The following TRHDE variants were observed in gnomAD, a reference collection of about 807,000 sequenced individuals.
TRHDE encodes the protein thyrotropin-releasing hormone-degrading ectoenzyme.
A neutral mutation model predicts 125.7 loss-of-function variants in TRHDE; 72 were observed. The ratio of observed to expected loss-of-function variants is 0.57; its 90% confidence interval spans 0.47 to 0.70. The LOEUF is 0.70. Ranked by LOEUF, TRHDE falls within the 30% of genes least tolerant of loss-of-function variation. The pLI, the probability that TRHDE is intolerant of heterozygous loss-of-function variation, is 0.00. For missense variants in TRHDE, 1,110 were observed against 1,327.1 expected (o/e 0.84, Z 2.54); for synonymous variants, 509 against 509.1 (o/e 1.00, Z 0.00).
At chr12:72,464,291 C>A (rs1876265036) in intron 3 of TRHDE, among the ~76,000 whole-genome samples, 1 of 152,088 alleles carries the variant, frequency 6.6e-6, no homozygotes, top group African/African-American at 2.4e-5. Context: ...CTGCTATAAC[C>A]AAATACCTGA....
At chr12:72,320,912 G>C (rs569091987) in intron 2 of TRHDE, among the ~76,000 whole-genome samples, 2 of 152,200 alleles carry the variant, frequency 1.3e-5, no homozygotes, top group Admixed American at 1.3e-4. Context: ...AGCTTTATTA[G>C]AAGGATCAAA....
intron 2 of TRHDE, among the ~76,000 whole-genome samples, chr12:72,199,678 A>G (rs1877516944): frequency 6.6e-6 from 1 of 152,226 alleles, no homozygotes; most frequent in Non-Finnish European, 1.5e-5. Context: ...ATAAAGACAT[A>G]GTAAACTAGT....
intron 2 of TRHDE, among the ~76,000 whole-genome samples, chr12:72,173,561 C>A (rs1566265703): frequency 6.6e-6 from 1 of 152,180 alleles, no homozygotes; most frequent in African/African-American, 2.4e-5. Context: ...ATTGTTCCTG[C>A]ACGTGCTCTT....
intron 2 of TRHDE, among the ~76,000 whole-genome samples, chr12:72,340,008 A>G (rs762962242): frequency 2.6e-5 from 4 of 152,202 alleles, no homozygotes; most frequent in Non-Finnish European, 5.9e-5. Context: ...ATCTTCCCTT[A>G]GGATTGGCCG....
rs1394227413 is a variant in TRHDE, at chr12:72,575,356, T to C, written c.2233T>C (p.Leu745=). The change falls in exon 11 of 19, where the codon TTA becomes CTA. Residue 745 remains leucine (L), a synonymous_variant. Coordinates refer to ENST00000261180, the MANE Select transcript of TRHDE (RefSeq NM_013381.3). ...CAACTATGACCTAAGGAACTGGAGA[T>C]TATTAATTGATCAATTAATCCGGAA... ...RVNYDLRNWR[L]LIDQLIRNHE... 5 of 1,613,616 alleles carry C rather than the reference T, an allele frequency of 3.1e-6. No homozygotes were observed. Among genetic ancestry groups the C allele is most frequent in the Middle Eastern group, 3.3e-4 (2 of 6,054 alleles).
intron 7 of TRHDE, among the ~76,000 whole-genome samples, chr12:72,549,485 A>C (rs1869571616): frequency 6.6e-6 from 1 of 151,834 alleles, no homozygotes; most frequent in African/African-American, 2.4e-5. Context: ...TGACCATAGA[A>C]GCTTTTGCTC....
At chr12:72,218,921 G>A (rs1592488332) in intron 2 of TRHDE, among the ~76,000 whole-genome samples, 1 of 152,052 alleles carries the variant, frequency 6.6e-6, no homozygotes, top group East Asian at 1.9e-4. Context: ...TAACTTTTGG[G>A]GAGCTATTAT....
At chr12:72,185,391 C>T (rs1877184820) in intron 2 of TRHDE, among the ~76,000 whole-genome samples, 1 of 152,226 alleles carries the variant, frequency 6.6e-6, no homozygotes. Flanking sequence ...TGCTCCACGG[C>T]GCCCAGTCCC....
At chr12:72,565,858 AT>A (rs1870417213) in intron 9 of TRHDE, among the ~76,000 whole-genome samples, 1 of 152,130 alleles carries the variant, frequency 6.6e-6, no homozygotes, top group Non-Finnish European at 1.5e-5. Flanking sequence ...AAAGAAAAAA[AT>A]ATCTTGATGG....
intron 6 of TRHDE, among the ~76,000 whole-genome samples, chr12:72,508,967 T>C (rs1238328517): frequency 6.6e-6 from 1 of 152,122 alleles, no homozygotes; most frequent in Non-Finnish European, 1.5e-5. Flanking sequence ...ATTGTAAGTT[T>C]CCTGAGGCCT....
intron 6 of TRHDE, among the ~76,000 whole-genome samples, chr12:72,538,948 TC>T (rs1273829823): frequency 2.0e-5 from 3 of 151,926 alleles, no homozygotes; most frequent in Non-Finnish European, 4.4e-5. Flanking sequence ...TTATTTTCCA[TC>T]TAATCTTCCA....
At chr12:72,558,686 T>A (rs1269698929) in intron 7 of TRHDE, among the ~76,000 whole-genome samples, 2 of 151,974 alleles carry the variant, frequency 1.3e-5, no homozygotes, top group South Asian at 2.1e-4. Flanking sequence ...GACAAACAGG[T>A]AAGGGAAAGT....
chr12:72,464,981 T>C (rs1876300743), intron 3 of TRHDE, among the ~76,000 whole-genome samples: 1 of 152,208 alleles, frequency 6.6e-6, no homozygotes, highest in Non-Finnish European at 1.5e-5. Flanking sequence ...AGCAGACTAC[T>C]ATGCATAATT....
intron 3 of TRHDE, among the ~76,000 whole-genome samples, chr12:72,381,198 G>C (rs1416981705): frequency 1.3e-5 from 2 of 152,066 alleles, no homozygotes; most frequent in Admixed American, 6.6e-5. Flanking sequence ...TCACAACAAA[G>C]AGTTATTTAG....
At chr12:72,570,929 A>T (rs1311531141) in intron 10 of TRHDE, among the ~76,000 whole-genome samples, 1 of 152,170 alleles carries the variant, frequency 6.6e-6, no homozygotes, top group Admixed American at 6.5e-5. Flanking sequence ...TTGATATAAC[A>T]TTGCCACATT....
At position 72,441,244 on chromosome 12, in the gene TRHDE, T is replaced by C. The variant is rs544317956; in HGVS notation, c.1316-28514T>C. Among the ~76,000 whole-genome samples, 8 of 152,080 alleles carry C rather than the reference T, an allele frequency of 5.3e-5. No individual in the cohort carries two copies. The South Asian group carries it at 1.5e-3, about 28-fold the overall frequency. ...TTTGCTTTGACTATAAATGATGATT[T>C]GCCTTCCTCTCATATAATGTTTTGC... On this transcript the variant is annotated intron_variant, in intron 3 of 18. Transcript: ENST00000261180.
chr12:72,153,123 G>T (rs1344811898), intron 2 of TRHDE, among the ~76,000 whole-genome samples: 1 of 152,094 alleles, frequency 6.6e-6, no homozygotes, highest in Non-Finnish European at 1.5e-5. Flanking sequence ...GTTTAGTCTT[G>T]GGAGGGTGCA....
chr12:72,603,043 C>T (rs1186815525), intron 12 of TRHDE, among the ~76,000 whole-genome samples: 1 of 151,994 alleles, frequency 6.6e-6, no homozygotes, highest in Non-Finnish European at 1.5e-5. Context: ...TCAAATATAC[C>T]CATCTATGTG....
At chr12:72,522,432 T>C (rs1868266494) in intron 6 of TRHDE, among the ~76,000 whole-genome samples, 1 of 152,212 alleles carries the variant, frequency 6.6e-6, no homozygotes, top group African/African-American at 2.4e-5. Flanking sequence ...TAGTTCAGGA[T>C]TTACAATGAA....
Sources: gnomAD v4.1 joint callset for allele counts (sites outside exome capture counted in the v4.1 genomes callset) on GRCh38, gnomAD v4.1.1 for gene constraint, MANE v1.5 for transcripts, NCBI Gene and HGNC (gene_info 2026-07-23, HGNC 2026-07-21) for gene names.